The following PHLPP1 variants were observed in gnomAD, a reference collection of about 807,000 sequenced individuals.
PHLPP1 encodes the protein PH domain and leucine rich repeat protein phosphatase 1.
A neutral mutation model predicts 117.2 loss-of-function variants in PHLPP1; 42 were observed. That is an observed-to-expected ratio of 0.36 (90% CI 0.28 to 0.46). PHLPP1 has a LOEUF of 0.46. Ranked by LOEUF, PHLPP1 falls within the 20% of genes least tolerant of loss-of-function variation. The probability of loss-of-function intolerance (pLI) is 1.00; values close to 1 mark genes in which losing one functional copy is unlikely to be tolerated. For missense variants in PHLPP1, 2,084 were observed against 2,241.9 expected, an observed-to-expected ratio of 0.93 and a Z score of 1.42; for synonymous variants, 1,042 against 970.7, an observed-to-expected ratio of 1.07 and a Z score of -1.37.
Position 62,860,502 on chromosome 18 carries a change from T to G in PHLPP1, c.1967T>G (p.Leu656Arg). 1 of 1,613,884 alleles carries G rather than the reference T, an allele frequency of 6.2e-7. No homozygotes were observed. The highest frequency in any genetic ancestry group is 8.5e-7 in the Non-Finnish European group (1 of 1,179,824). Reference protein sequence around the residue: ...CCSLEHLPANLFYSQDLTHLN... With the variant: ...CCSLEHLPANRFYSQDLTHLN... ...AGCCTGGAACATCTGCCTGCCAACC[T>G]CTTCTACAGCCAAGACCTCACTCAT... The change falls in exon 4 of 17, where the codon CTC becomes CGC. Residue 656 changes from leucine to arginine, a missense_variant. Around this residue, in one of 2 missense-constraint regions of PHLPP1, gnomAD observed 1,365 missense variants for 1,605.9 expected, o/e 0.85. Transcript: ENST00000262719.
In PHLPP1 at chr18:62,838,766, C is replaced by A; in HGVS notation, c.1774-18C>A. On this transcript the variant is annotated intron_variant, in intron 2 of 16. Transcript: ENST00000262719. The stretch of plus-strand genomic sequence containing the variant: ...TGCTGTCTGACTTGTTTCTGCTTCT[C>A]TCTGTTTGCTTTTATAGGTAGAAGA... 1 of 1,613,342 alleles carries A rather than the reference C, an allele frequency of 6.2e-7. No homozygotes were observed. Among genetic ancestry groups the A allele is most frequent in the Non-Finnish European group, 8.5e-7 (1 of 1,179,478 alleles).
At chr18:62,835,244 C>T (rs756675182) in intron 2 of PHLPP1, among the ~76,000 whole-genome samples, 1 of 150,272 alleles carries the variant, frequency 6.7e-6, no homozygotes, top group Non-Finnish European at 1.5e-5. Context: ...TCTCTTGTCA[C>T]GCAGGCTGGA....
At chr18:62,901,628 CTTTTTT>C (rs543110023) in intron 6 of PHLPP1, among the ~76,000 whole-genome samples, 1 of 142,796 alleles carries the variant, frequency 7.0e-6, no homozygotes, top group Non-Finnish European at 1.5e-5. Context: ...CTCCTTTTTT[CTTTTTT>C]TTTTTTTGAG....
intron 1 of PHLPP1, among the ~76,000 whole-genome samples, chr18:62,767,364 A>C (rs1912581712): frequency 1.3e-5 from 2 of 152,228 alleles, no homozygotes; most frequent in African/African-American, 4.8e-5. Flanking sequence ...TAAGAGAGCC[A>C]AAACCGCAAT....
chr18:62,854,238 A>G (rs1448289848), intron 3 of PHLPP1, among the ~76,000 whole-genome samples: 6 of 152,226 alleles, frequency 3.9e-5, no homozygotes, highest in Non-Finnish European at 5.9e-5. Flanking sequence ...AGCTTTCTGT[A>G]ACAGAGATTT....
chr18:62,860,751 A>G (rs1309225856), intron 4 of PHLPP1, 150 bp downstream of exon 4: 1 of 623,706 alleles, frequency 1.6e-6, no homozygotes, highest in African/African-American at 1.8e-5. Flanking sequence ...TTATTAGTGA[A>G]GACATTACCA....
intron 1 of PHLPP1, among the ~76,000 whole-genome samples, chr18:62,795,492 C>CAAAAAAA (rs11291832): frequency 9.8e-5 from 6 of 61,376 alleles, no homozygotes; most frequent in Admixed American, 1.7e-4. Context: ...GACTCCATCT[C>CAAAAAAA]AAAAAAAAAA....
At chr18:62,954,989 C>T (rs558790154) in intron 12 of PHLPP1, among the ~76,000 whole-genome samples, 3 of 152,128 alleles carry the variant, frequency 2.0e-5, no homozygotes, top group Non-Finnish European at 4.4e-5. Context: ...AGCAGCAATC[C>T]CTGCTCTCTA....
intron 1 of PHLPP1, among the ~76,000 whole-genome samples, chr18:62,799,010 A>C (rs1913703046): frequency 6.6e-6 from 1 of 152,206 alleles, no homozygotes. Flanking sequence ...GTTTTAGTAC[A>C]ATTATTAAGT....
chr18:62,826,315 G>C (rs1043987062), intron 1 of PHLPP1: 6 of 372,612 alleles, frequency 1.6e-5, no homozygotes, highest in African/African-American at 6.4e-5. Flanking sequence ...GCTGACCTTG[G>C]GGAATGACTT....
rs1329131714 is a variant in PHLPP1 at position 62,792,090 on chromosome 18, A to T, written c.1577-37945A>T. ...AGCATATGTTTTTCTAATCAGAGTG[A>T]CTAAATCAAACTCCTCTTTTTATGC... is the stretch of plus-strand genomic sequence containing the variant. On this transcript the variant is annotated intron_variant, in intron 1 of 16. Coordinates refer to ENST00000262719, the MANE Select transcript of PHLPP1 (RefSeq NM_194449.4). Among the ~76,000 whole-genome samples the T allele has an allele frequency of 2.6e-5, 4 of 152,296 alleles. No individual in the cohort carries two copies. In the East Asian group the frequency reaches 7.7e-4, roughly 29 times the overall value.
intron 2 of PHLPP1, among the ~76,000 whole-genome samples, chr18:62,837,384 T>C (rs1185404279): frequency 6.6e-6 from 1 of 152,198 alleles, no homozygotes; most frequent in East Asian, 1.9e-4. Flanking sequence ...TTCATAATAT[T>C]CTCTTCTTAA....
intron 3 of PHLPP1, 66 bp from the exon 4 acceptor site, chr18:62,860,369 T>C (rs1368451755): frequency 1.5e-6 from 2 of 1,323,852 alleles, no homozygotes; most frequent in Non-Finnish European, 2.1e-6. Context: ...TTATCTTATT[T>C]CTATCCATAG....
chr18:62,807,023 A>AT (rs1913970199), intron 1 of PHLPP1, among the ~76,000 whole-genome samples: 1 of 152,046 alleles, frequency 6.6e-6, no homozygotes, highest in Non-Finnish European at 1.5e-5. Context: ...AGTTGCCCTT[A>AT]TTGTCTTTCA....
intron 1 of PHLPP1, among the ~76,000 whole-genome samples, chr18:62,821,563 A>G (rs1914456999): frequency 6.7e-6 from 1 of 149,696 alleles, no homozygotes; most frequent in Admixed American, 6.6e-5. Context: ...AAAAAAAAAA[A>G]AAAAAAAAGA....
At chr18:62,917,860 A>G (rs1487379251) in intron 9 of PHLPP1, among the ~76,000 whole-genome samples, 2 of 151,876 alleles carry the variant, frequency 1.3e-5, no homozygotes, top group African/African-American at 4.8e-5. Flanking sequence ...GCAATGATTC[A>G]TTAAAATTGA....
rs376991777 is a variant in PHLPP1 at position 62,853,667 on chromosome 18, G to A, written c.1900-6768G>A. On this transcript the variant is annotated intron_variant, in intron 3 of 16. Coordinates refer to ENST00000262719, the MANE Select transcript of PHLPP1 (RefSeq NM_194449.4). Reference sequence around the variant, plus strand: ...TTACAGGCGTGAGCCTCTGCCCCCAGCCTGTTATTGTTAATACAGACTAAA... The same window carrying A: ...TTACAGGCGTGAGCCTCTGCCCCCAACCTGTTATTGTTAATACAGACTAAA... 4.6e-5 allele frequency among the ~76,000 whole-genome samples: 7 copies of A among 152,310 alleles called. No homozygotes were observed. In the South Asian group the frequency reaches 1.5e-3, roughly 32 times the overall value.
At chr18:62,956,659 T>C (rs1177883730) in intron 12 of PHLPP1, among the ~76,000 whole-genome samples, 1 of 152,176 alleles carries the variant, frequency 6.6e-6, no homozygotes, top group Non-Finnish European at 1.5e-5. Context: ...CTGGGTGTGT[T>C]AGGGTGGTAG....
rs1228015504 is a variant in PHLPP1, at chr18:62,849,812, A to ATATATAT, written c.1900-10623_1900-10622insTATATAT. On this transcript the variant is annotated intron_variant, in intron 3 of 16. Transcript: ENST00000262719. ...CCTGTCTCTACAAAAAAAAAAAAAA[A>ATATATAT]AAAAAAAAAAAAAAAAAAAAATATA... Among the ~76,000 whole-genome samples, 35 of 44,284 alleles carry ATATATAT rather than the reference A, an allele frequency of 7.9e-4. 1 individual carries two copies. Among genetic ancestry groups the ATATATAT allele is most frequent in the African/African-American group, 3.0e-3 (33 of 11,114 alleles). 29.1% of individuals were successfully genotyped at this position (44,284 alleles called of 152,430 possible).
Sources: allele counts gnomAD v4.1 joint callset (sites outside exome capture counted in the v4.1 genomes callset), GRCh38; gene constraint gnomAD v4.1.1; regional missense constraint gnomAD v4.1.1; transcripts MANE v1.5; gene names NCBI Gene and HGNC (gene_info 2026-07-23, HGNC 2026-07-21).